The following BAHD1 variants were observed in gnomAD, a reference collection of about 807,000 sequenced individuals.
The protein encoded by BAHD1 is bromo adjacent homology domain containing 1, also known as bromo adjacent homology domain-containing 1 protein.
BAHD1 carries 20 observed loss-of-function variants against 63.1 expected under a neutral mutation model. The ratio of observed to expected loss-of-function variants is 0.32; its 90% confidence interval spans 0.22 to 0.46. The LOEUF (loss-of-function observed/expected upper bound fraction) is 0.46, where lower values mean the gene tolerates loss of function less well. BAHD1 is among the 20% of genes least tolerant of loss of function. The pLI is 1.00. For synonymous variants in BAHD1, 408 were observed against 426.8 expected (o/e 0.96, Z 0.54); for missense variants, 939 against 1,071.8 (o/e 0.88, Z 1.73).
In BAHD1 at chr15:40,467,082, TTCCCTAG is replaced by T. The variant is rs1294864030; in HGVS notation, c.*955_*961del. On this transcript the variant is annotated 3_prime_UTR_variant, in exon 7 of 7. Transcript: ENST00000416165. ...GTGGCTCCCCTTGCCCTGCCACCCT[TTCCCTAG>T]TCTTTTGTAGATTGCACTAATTTAC... 6 of 152,584 alleles carry T rather than the reference TTCCCTAG, an allele frequency of 3.9e-5. No individual in the cohort carries two copies. Among genetic ancestry groups the T allele is most frequent in the African/African-American group, 1.2e-4 (5 of 41,470 alleles). The allele number at this position is 152,584 out of a possible 1,614,324, so 9.5% of individuals were successfully genotyped here. A position where few individuals can be genotyped will look rare whatever the true frequency, so the allele number is the denominator to read the frequency against.
At chr15:40,465,551 C>A in intron 6 of BAHD1, 116 bp downstream of exon 6, 1 of 795,370 alleles carries the variant, frequency 1.3e-6, no homozygotes, top group Non-Finnish European at 2.1e-6. Context: ...TGATCTTACT[C>A]ACTGAGCCTA....
intron 1 of BAHD1, chr15:40,443,210 T>A (rs1268104111): frequency 8.2e-6 from 8 of 971,528 alleles, no homozygotes; most frequent in Non-Finnish European, 9.8e-6. Flanking sequence ...GAAAGCTGCT[T>A]GTCTGCCACT....
chr15:40,449,998 G>A (rs1893656918), intron 1 of BAHD1, among the ~76,000 whole-genome samples: 1 of 152,142 alleles, frequency 6.6e-6, no homozygotes, highest in African/African-American at 2.4e-5. Context: ...GCTCCAAGTG[G>A]TGCTCTAAGT....
At chr15:40,442,462 G>A (rs1482345619) in intron 1 of BAHD1, among the ~76,000 whole-genome samples, 7 of 152,176 alleles carry the variant, frequency 4.6e-5, no homozygotes, top group Non-Finnish European at 1.0e-4. Flanking sequence ...GTGGCGACGG[G>A]GTTGCTACTC....
In BAHD1 at chr15:40,466,279, T is replaced by G; in HGVS notation, c.*149T>G. ...TTGGGGGGGAGGGCAGGGGCCCCTG[T>G]GGGTTCTGGGCTCCAGGGGAGGGAG... On this transcript the variant is annotated 3_prime_UTR_variant, in exon 7 of 7. Coordinates refer to ENST00000416165, the MANE Select transcript of BAHD1 (RefSeq NM_014952.5). 1 of 713,440 alleles carries G rather than the reference T, an allele frequency of 1.4e-6. No homozygotes were observed. The highest frequency in any genetic ancestry group is 2.2e-6 in the Non-Finnish European group (1 of 448,108). 44.2% of individuals were successfully genotyped at this position (713,440 alleles called of 1,614,324 possible). A position where few individuals can be genotyped will look rare whatever the true frequency, so the allele number is the denominator to read the frequency against.
Position 40,444,109 on chromosome 15 carries a change from C to CTGTGTGTG in BAHD1, c.-15+2856_-15+2863dup, listed in dbSNP as rs10692881. Among the ~76,000 whole-genome samples, 10 of 150,218 alleles carry CTGTGTGTG rather than the reference C, an allele frequency of 6.7e-5. No individual in the cohort carries two copies. The East Asian group carries it at 9.8e-4, about 15-fold the overall frequency. ...CAGGAACAATATGAGTGTTAAACCT[C>CTGTGTGTG]TGTGTGTGTGTGTGTGTGTGTGAAT... On this transcript the variant is annotated intron_variant, in intron 1 of 6. Transcript: ENST00000416165.
In BAHD1 at chr15:40,459,884, C is replaced by A. The variant is rs1222492013; in HGVS notation, c.1420C>A (p.Pro474Thr). The A allele has an allele frequency of 1.3e-6, 2 of 1,584,330 alleles. No individual in the cohort carries two copies. The highest frequency in any genetic ancestry group is 2.3e-5 in the South Asian group (2 of 87,922). ...CTGTGGCGGCTGCCCATACAAAATG[C>A]CTTTTGCAGCAGGTGAGGCTTCCTG... ...TTCGGCPYKM[P>T]FAAEGCRSLG... Residue 474 changes from proline to threonine, a missense_variant, in exon 2 of 7, where the codon CCT (proline) becomes ACT (threonine). Around this residue, in one of 5 missense-constraint regions of BAHD1, gnomAD observed 797 missense variants for 813.3 expected, o/e 0.98. Coordinates refer to ENST00000416165, the MANE Select transcript of BAHD1 (RefSeq NM_014952.5).
chr15:40,451,954 G>A (rs970975747), intron 1 of BAHD1, among the ~76,000 whole-genome samples: 4 of 152,156 alleles, frequency 2.6e-5, no homozygotes, highest in Non-Finnish European at 5.9e-5. Context: ...GTTAAAGTTC[G>A]TAAGGCAGAA....
intron 2 of BAHD1, among the ~76,000 whole-genome samples, chr15:40,461,630 ACT>A (rs1306015890): frequency 6.6e-6 from 1 of 151,082 alleles, no homozygotes; most frequent in Admixed American, 6.6e-5. Context: ...ACAGAGCGAG[ACT>A]CTGTCTCAAA....
Position 40,459,797 on chromosome 15 carries a change from G to A in BAHD1, c.1333G>A (p.Gly445Arg). Reference protein sequence around the residue: ...SSRYCSSEDTGVNGYSICGVL... With the variant: ...SSRYCSSEDTRVNGYSICGVL... ...TCGCTACTGCTCTAGCGAGGACACT[G>A]GAGTGAATGGCTACAGCATCTGCGG... The change falls in exon 2 of 7, where the codon GGA (glycine) becomes AGA (arginine). Residue 445 changes from glycine (G) to arginine (R), a missense_variant. Physicochemically the swap from Gly to Arg is moderately radical, Grantham distance 125. Around this residue, in one of 5 missense-constraint regions of BAHD1, gnomAD observed 797 missense variants for 813.3 expected, o/e 0.98. Transcript: ENST00000416165. 1 of 1,613,686 alleles carries A rather than the reference G, an allele frequency of 6.2e-7. No homozygotes were observed. The highest frequency in any genetic ancestry group is 8.5e-7 in the Non-Finnish European group (1 of 1,179,992).
chr15:40,466,409 A>AGGC lies in BAHD1; in HGVS notation c.*280_*282dup, dbSNP rs1006924951. 4 of 119,118 alleles carry AGGC rather than the reference A, an allele frequency of 3.4e-5. No individual in the cohort carries two copies. The highest frequency in any genetic ancestry group is 1.4e-4 in the African/African-American group (4 of 27,882). The allele number at this position is 119,118 out of a possible 1,614,324, so 7.4% of individuals were successfully genotyped here. ...GATTTCCGAAAAGTAGTCTTCTCTGAGGCTGGGCCAAGCCTGAGGGAAATG... is the reference window on the plus strand; with the variant it reads ...GATTTCCGAAAAGTAGTCTTCTCTGAGGCGGCTGGGCCAAGCCTGAGGGAAATG... On this transcript the variant is annotated 3_prime_UTR_variant, in exon 7 of 7. Coordinates refer to ENST00000416165, the MANE Select transcript of BAHD1 (RefSeq NM_014952.5).
In BAHD1 at chr15:40,458,364, T is replaced by G; in HGVS notation, c.-14-87T>G. 1.3e-6 allele frequency: 2 copies of G among 1,489,792 alleles called. No individual in the cohort carries two copies. The highest frequency in any genetic ancestry group is 1.8e-6 in the Non-Finnish European group (2 of 1,119,288). The allele number at this position is 1,489,792 out of a possible 1,614,324, so 92.3% of individuals were successfully genotyped here. A position where few individuals can be genotyped will look rare whatever the true frequency, so the allele number is the denominator to read the frequency against. Reference sequence around the variant, plus strand: ...AGTTGTAGGCCAGGATCACTGCACCTGGGGCTGGGTAGGCTGCAGTGGGAG... The same window carrying G: ...AGTTGTAGGCCAGGATCACTGCACCGGGGGCTGGGTAGGCTGCAGTGGGAG... On this transcript the variant is annotated intron_variant, in intron 1 of 6. Coordinates refer to ENST00000416165, the MANE Select transcript of BAHD1 (RefSeq NM_014952.5). This position sits in a 1 kb window ranked among gnomAD's most constrained non-coding sequence, Gnocchi z 4.7.
intron 1 of BAHD1, among the ~76,000 whole-genome samples, chr15:40,451,158 A>C (rs1374985535): frequency 6.6e-6 from 1 of 151,534 alleles, no homozygotes; most frequent in Non-Finnish European, 1.5e-5. Context: ...AAAAAAAAAA[A>C]AAAAAAAAAA....
chr15:40,461,921 G>A lies in BAHD1; in HGVS notation c.1442G>A (p.Arg481Lys). 1 of 1,596,562 alleles carries A rather than the reference G, an allele frequency of 6.3e-7. No individual in the cohort carries two copies. ...YKMPFAAEGC[R>K]SLGQLEFPLP... is the part of the protein sequence containing the mutation. Reference sequence around the variant, plus strand: ...TCTCTCCCTTTCCTAGAAGGCTGCAGATCCCTGGGCCAGTTGGAATTTCCT... The same window carrying A: ...TCTCTCCCTTTCCTAGAAGGCTGCAAATCCCTGGGCCAGTTGGAATTTCCT... Residue 481 changes from arginine (R) to lysine (K), a missense_variant, in exon 3 of 7, where the codon AGA becomes AAA. Around this residue, in one of 5 missense-constraint regions of BAHD1, gnomAD observed 797 missense variants for 813.3 expected, o/e 0.98. Coordinates refer to ENST00000416165, the MANE Select transcript of BAHD1 (RefSeq NM_014952.5).
intron 1 of BAHD1, among the ~76,000 whole-genome samples, chr15:40,445,924 A>C (rs1220375302): frequency 6.6e-6 from 1 of 152,188 alleles, no homozygotes; most frequent in Non-Finnish European, 1.5e-5. Flanking sequence ...CCTGGCGTTG[A>C]CTTGATGGGC....
In BAHD1 at chr15:40,466,195, G is replaced by A. The variant is rs1396330975; in HGVS notation, c.*65G>A. 6.9e-7 allele frequency: 1 copy of A among 1,443,062 alleles called. No homozygotes were observed. Among genetic ancestry groups the A allele is most frequent in the Non-Finnish European group, 9.3e-7 (1 of 1,072,904 alleles). 89.4% of individuals were successfully genotyped at this position (1,443,062 alleles called of 1,614,324 possible). ...GGGCTCGGGGTAGGGGGCACTGCTT[G>A]AAGCACAGCACTTGGTTAGGGGGCC... On this transcript the variant is annotated 3_prime_UTR_variant, in exon 7 of 7. Coordinates refer to ENST00000416165, the MANE Select transcript of BAHD1 (RefSeq NM_014952.5).
chr15:40,445,069 G>T (rs1187237609), intron 1 of BAHD1, among the ~76,000 whole-genome samples: 1 of 152,014 alleles, frequency 6.6e-6, no homozygotes, highest in Non-Finnish European at 1.5e-5. Context: ...AGCTGTGTTT[G>T]CTGTGTGTCC....
At chr15:40,465,045 TG>T (rs1894160831) in intron 5 of BAHD1, 1 of 461,022 alleles carries the variant, frequency 2.2e-6, no homozygotes. Flanking sequence ...ACTGGAAAGA[TG>T]AAGAACATTT....
chr15:40,451,660 A>G (rs1028829583), intron 1 of BAHD1, among the ~76,000 whole-genome samples: 2 of 152,246 alleles, frequency 1.3e-5, no homozygotes, highest in African/African-American at 4.8e-5. Context: ...TAGCAGTGGC[A>G]TGAAGTGGCT....
Sources: gnomAD v4.1 joint callset for allele counts (sites outside exome capture counted in the v4.1 genomes callset) on GRCh38, gnomAD v4.1.1 for gene constraint, gnomAD v4.1.1 regional missense constraint, Gnocchi (gnomAD v3.1) non-coding constraint, MANE v1.5 for transcripts, NCBI Gene and HGNC (gene_info 2026-07-23, HGNC 2026-07-21) for gene names.